Variants in MTDH observed in about 807,000 individuals in gnomAD.
MTDH encodes the protein protein LYRIC.
In MTDH, 34 loss-of-function variants were observed where a neutral mutation model predicts 72.7. That is an observed-to-expected ratio of 0.47 (90% CI 0.36 to 0.62). The LOEUF is 0.62. MTDH is among the 20% of genes least tolerant of loss of function. The probability of loss-of-function intolerance (pLI) is 0.00; values close to 1 mark genes in which losing one functional copy is unlikely to be tolerated. For missense variants in MTDH, 677 were observed against 699.4 expected (o/e 0.97, Z 0.36); for synonymous variants, 266 against 268.9 (o/e 0.99, Z 0.10).
In MTDH at chr8:97,723,432, G is replaced by A. The variant is rs562023231; in HGVS notation, c.1678+397G>A. 2.7e-5 allele frequency among the ~76,000 whole-genome samples: 4 copies of A among 148,876 alleles called. No homozygotes were observed. The East Asian group carries it at 8.2e-4, about 31-fold the overall frequency. Reference sequence around the variant, plus strand: ...AACGTCTAATGGATTAATAAGAGTAGCCCTTTCTTCCTTTGAAAATGCTAA... The same window carrying A: ...AACGTCTAATGGATTAATAAGAGTAACCCTTTCTTCCTTTGAAAATGCTAA... On this transcript the variant is annotated intron_variant, in intron 11 of 11. Transcript: ENST00000336273.
At position 97,719,002 on chromosome 8, in the gene MTDH, G is replaced by T. The variant is rs747731476; in HGVS notation, c.1381-47G>T. The T allele has an allele frequency of 4.7e-6, 7 of 1,505,306 alleles. No individual in the cohort carries two copies. In the East Asian group the frequency reaches 9.3e-5, roughly 20 times the overall value. 93.2% of individuals were successfully genotyped at this position (1,505,306 alleles called of 1,614,324 possible). A position where few individuals can be genotyped will look rare whatever the true frequency, so the allele number is the denominator to read the frequency against. On this transcript the variant is annotated intron_variant, in intron 9 of 11. Transcript: ENST00000336273. ...TACACCACCATAGATTTTAATTAAT[G>T]AAGAATGAATGCTTTATATAATCTA... is the stretch of plus-strand genomic sequence containing the variant.
intron 2 of MTDH, among the ~76,000 whole-genome samples, chr8:97,662,798 A>G (rs545492929): frequency 2.2e-4 from 34 of 151,198 alleles, no homozygotes; most frequent in African/African-American, 8.3e-4. Context: ...AAAAAAAGAA[A>G]GAAAGAAAGA....
intron 11 of MTDH, among the ~76,000 whole-genome samples, chr8:97,723,873 T>G (rs917519273): frequency 6.6e-6 from 1 of 152,106 alleles, no homozygotes; most frequent in Non-Finnish European, 1.5e-5. Flanking sequence ...TTTGGGAGGC[T>G]GAGGCGGGTG....
At chr8:97,719,492 C>CAAAAAAA (rs11383714) in intron 10 of MTDH, among the ~76,000 whole-genome samples, 1 of 79,932 alleles carries the variant, frequency 1.3e-5, no homozygotes, top group African/African-American at 4.1e-5. Context: ...GACACTGTCT[C>CAAAAAAA]AAAAAAAAAA....
chr8:97,645,265 G>A (rs1398557957), intron 1 of MTDH, among the ~76,000 whole-genome samples: 2 of 152,172 alleles, frequency 1.3e-5, no homozygotes, highest in African/African-American at 2.4e-5. Flanking sequence ...GGTGGTGTTA[G>A]GAAGTTGTAT....
At chr8:97,718,188 G>A (rs983811791) in intron 9 of MTDH, among the ~76,000 whole-genome samples, 6 of 151,886 alleles carry the variant, frequency 4.0e-5, no homozygotes, top group Non-Finnish European at 8.8e-5. Context: ...GATTACAGGC[G>A]TGCGCCACCA....
intron 2 of MTDH, among the ~76,000 whole-genome samples, chr8:97,669,692 G>A (rs1812534181): frequency 6.6e-6 from 1 of 151,880 alleles, no homozygotes; most frequent in Non-Finnish European, 1.5e-5. Flanking sequence ...CGAGGCAGGT[G>A]GACCATTTGA....
intron 1 of MTDH, among the ~76,000 whole-genome samples, chr8:97,648,652 C>G (rs1811654475): frequency 6.6e-6 from 1 of 152,104 alleles, no homozygotes; most frequent in Non-Finnish European, 1.5e-5. Flanking sequence ...AGCAACCTCA[C>G]CCAGCTCAAA....
chr8:97,722,327 C>T (rs537674836), intron 10 of MTDH, among the ~76,000 whole-genome samples: 36 of 152,292 alleles, frequency 2.4e-4, no homozygotes, highest in Non-Finnish European at 4.0e-4. Context: ...TTAGGCCGGG[C>T]GTGGTTGCTC....
chr8:97,713,298 G>A (rs1310755571), intron 8 of MTDH, among the ~76,000 whole-genome samples: 1 of 152,078 alleles, frequency 6.6e-6, no homozygotes. Context: ...TGTTAGCCAG[G>A]ATGGTCTCGA....
At chr8:97,695,261 G>A (rs899391659) in intron 6 of MTDH, among the ~76,000 whole-genome samples, 10 of 151,988 alleles carry the variant, frequency 6.6e-5, no homozygotes, top group African/African-American at 1.2e-4. Context: ...TTACAGGCAC[G>A]TGTCACCATG....
intron 2 of MTDH, among the ~76,000 whole-genome samples, chr8:97,673,174 A>C (rs1812699794): frequency 6.6e-6 from 1 of 152,196 alleles, no homozygotes; most frequent in Non-Finnish European, 1.5e-5. Context: ...TAGTCGGGAA[A>C]ACAACTAAAA....
intron 7 of MTDH, 157 bp from the exon 8 acceptor site, chr8:97,706,469 C>T (rs1368861538): frequency 2.0e-5 from 10 of 512,482 alleles, no homozygotes; most frequent in South Asian, 4.9e-5. Flanking sequence ...AAGATTGTTA[C>T]CTTCATGTTA....
chr8:97,647,743 T>C (rs565003680), intron 1 of MTDH, among the ~76,000 whole-genome samples: 1 of 152,198 alleles, frequency 6.6e-6, no homozygotes, highest in South Asian at 2.1e-4. Flanking sequence ...TTCTTCAAAG[T>C]GTTATCCCTG....
intron 1 of MTDH, among the ~76,000 whole-genome samples, chr8:97,656,981 CAA>C (rs113063188): frequency 3.8e-5 from 5 of 130,730 alleles, no homozygotes; most frequent in Admixed American, 7.7e-5. Context: ...GACTGTGTCT[CAA>C]AAAAAAAAAA....
intron 8 of MTDH, among the ~76,000 whole-genome samples, chr8:97,710,736 A>ATG: frequency 6.7e-6 from 1 of 149,226 alleles, no homozygotes; most frequent in South Asian, 2.1e-4. Flanking sequence ...GCGGTGGTTC[A>ATG]CGCCTGTAAT....
intron 2 of MTDH, among the ~76,000 whole-genome samples, chr8:97,673,910 G>A (rs930780180): frequency 6.6e-6 from 1 of 152,090 alleles, no homozygotes; most frequent in Non-Finnish European, 1.5e-5. Flanking sequence ...AAGAGGCGGA[G>A]GTTGCAGTGA....
intron 6 of MTDH, among the ~76,000 whole-genome samples, chr8:97,697,150 A>ATATATATTTTTTTTTTTTTTTT: frequency 2.9e-5 from 2 of 68,796 alleles, no homozygotes; most frequent in Non-Finnish European, 4.9e-5. Context: ...ATATATATAT[A>ATATATATTTTTTTTTTTTTTTT]TTTTTTTTTT....
At position 97,644,789 on chromosome 8, in the gene MTDH, G is replaced by T. The variant is rs1811498811; in HGVS notation, c.283G>T (p.Val95Leu). The T allele has an allele frequency of 1.9e-6, 3 of 1,548,918 alleles. No individual in the cohort carries two copies. The highest frequency in any genetic ancestry group is 1.2e-5 in the South Asian group (1 of 83,972). The change falls in exon 1 of 12, where the codon GTG becomes TTG. Residue 95 changes from valine (V) to leucine (L), a missense_variant. Coordinates refer to ENST00000336273, the MANE Select transcript of MTDH (RefSeq NM_178812.4). ...CCGCAAGCGGGAGGAGGCGGCGGCC[G>T]TGCCGGCCGCGGCCCCCGACGACCT... The part of the protein sequence containing the change: ...PPRKREEAAA[V>L]PAAAPDDLAL...
Sources: allele counts gnomAD v4.1 joint callset (sites outside exome capture counted in the v4.1 genomes callset), GRCh38; gene constraint gnomAD v4.1.1; transcripts MANE v1.5; gene names NCBI Gene and HGNC (gene_info 2026-07-23, HGNC 2026-07-21).